The following TRAK1 variants were observed in gnomAD, a reference collection of about 807,000 sequenced individuals.
TRAK1 encodes the protein trafficking kinesin protein 1.
A neutral mutation model predicts 92.1 loss-of-function variants in TRAK1; 33 were observed. The observed-to-expected ratio is 0.36, with a 90% CI of 0.27 to 0.48. The LOEUF is 0.48. Ranked by LOEUF, TRAK1 falls within the 20% of genes least tolerant of loss-of-function variation. The pLI is 0.99. For synonymous variants in TRAK1, 521 were observed against 517.3 expected, an observed-to-expected ratio of 1.01 and a Z score of -0.10; for missense variants, 1,123 against 1,257.9, an observed-to-expected ratio of 0.89 and a Z score of 1.62.
At position 42,194,929 on chromosome 3, in the gene TRAK1, C is replaced by A. The variant is rs756293488; in HGVS notation, c.1101C>A (p.Gly367=). 6 of 1,613,606 alleles carry A rather than the reference C, an allele frequency of 3.7e-6. No individual in the cohort carries two copies. The change falls in exon 10 of 16, where the codon GGC becomes GGA. Residue 367 remains glycine (G), a synonymous_variant. Coordinates refer to ENST00000327628, the MANE Select transcript of TRAK1 (RefSeq NM_001042646.3). ...NTTSRRYHSL[G]LFPMDSLAAE... is the part of the protein sequence containing the mutation. ...CGTCTCGGCGCTACCACTCACTGGG[C>A]CTGTTTCCCATGGTGAGCTGTGCTT...
chr3:42,113,390 ACC>A (rs1708740752), intron 1 of TRAK1, among the ~76,000 whole-genome samples: 4 of 25,882 alleles, frequency 1.5e-4, no homozygotes, highest in Non-Finnish European at 3.0e-4. Flanking sequence ...CCCTACCCCT[ACC>A]CCTACCTCTA....
At position 42,225,309 on chromosome 3, in the gene TRAK1, C is replaced by A; in HGVS notation, c.*1572C>A. On this transcript the variant is annotated 3_prime_UTR_variant, in exon 16 of 16. Transcript: ENST00000327628. ...CCTCCCCGGCAGCAGAAGATGTGTCCTTCCATTGAGTGAGGGTAACCTTAT... is the reference window on the plus strand; with the variant it reads ...CCTCCCCGGCAGCAGAAGATGTGTCATTCCATTGAGTGAGGGTAACCTTAT... 6.6e-6 allele frequency: 1 copy of A among 152,278 alleles called. No individual in the cohort carries two copies. Among genetic ancestry groups the A allele is most frequent in the Non-Finnish European group, 1.5e-5 (1 of 68,030 alleles). 9.4% of individuals were successfully genotyped at this position (152,278 alleles called of 1,614,324 possible).
At chr3:42,185,336 G>T (rs1457376737) in intron 4 of TRAK1, among the ~76,000 whole-genome samples, 10 of 152,198 alleles carry the variant, frequency 6.6e-5, no homozygotes, top group Admixed American at 6.5e-4. Flanking sequence ...AACAAAACAA[G>T]ACAAAAATAG....
At chr3:42,018,794 C>T (rs969659656) in intron 1 of TRAK1, among the ~76,000 whole-genome samples, 5 of 152,076 alleles carry the variant, frequency 3.3e-5, no homozygotes, top group Admixed American at 2.6e-4. Context: ...TCCTATCTTC[C>T]GTTACATAGA....
intron 2 of TRAK1, chr3:42,149,372 C>T (rs1319987098): frequency 5.6e-6 from 8 of 1,437,916 alleles, no homozygotes; most frequent in Non-Finnish European, 9.1e-7. Context: ...GCCCACTTTA[C>T]TGTTTTGGCT....
chr3:42,097,596 A>G (rs1040813225), intron 1 of TRAK1, among the ~76,000 whole-genome samples: 1 of 152,222 alleles, frequency 6.6e-6, no homozygotes, highest in Non-Finnish European at 1.5e-5. Flanking sequence ...AATGCTTAAC[A>G]GTTTCTACTT....
chr3:42,164,130 C>T (rs1364665043), intron 2 of TRAK1, among the ~76,000 whole-genome samples: 1 of 152,164 alleles, frequency 6.6e-6, no homozygotes, highest in African/African-American at 2.4e-5. Context: ...ATGATCACAC[C>T]ACCTTTGTCC....
At chr3:42,125,321 A>G (rs1710415601) in intron 1 of TRAK1, 99 bp from the exon 2 acceptor site, 1 of 1,076,882 alleles carries the variant, frequency 9.3e-7, no homozygotes, top group African/African-American at 1.6e-5. Flanking sequence ...GCTGTAGATA[A>G]ATAACCGAAG....
At chr3:42,219,008 G>A in intron 14 of TRAK1, 1 of 985,380 alleles carries the variant, frequency 1.0e-6, no homozygotes, top group Non-Finnish European at 1.2e-6. Context: ...AAGCAGAAAG[G>A]GAGCTGTGAG....
At chr3:42,058,581 C>T (rs1433952912) in intron 1 of TRAK1, among the ~76,000 whole-genome samples, 3 of 152,042 alleles carry the variant, frequency 2.0e-5, no homozygotes, top group Non-Finnish European at 2.9e-5. Flanking sequence ...TGACCTTGGA[C>T]GATCTGCCTG....
At chr3:42,018,711 A>G (rs942541318) in intron 1 of TRAK1, among the ~76,000 whole-genome samples, 3 of 152,242 alleles carry the variant, frequency 2.0e-5, no homozygotes, top group African/African-American at 7.2e-5. Flanking sequence ...TAGTTACTAG[A>G]TAACATGATT....
At chr3:42,119,306 G>A (rs945109022) in intron 1 of TRAK1, among the ~76,000 whole-genome samples, 1 of 152,208 alleles carries the variant, frequency 6.6e-6, no homozygotes, top group African/African-American at 2.4e-5. Flanking sequence ...GATGGAGTTT[G>A]CTAGGCAGTG....
At chr3:42,157,026 G>A (rs895638859) in intron 2 of TRAK1, among the ~76,000 whole-genome samples, 27 of 151,992 alleles carry the variant, frequency 1.8e-4, no homozygotes, top group Non-Finnish European at 2.8e-4. Flanking sequence ...GGTGGCGGGC[G>A]CCTGTAATCC....
intron 1 of TRAK1, among the ~76,000 whole-genome samples, chr3:42,101,934 T>C (rs1167794201): frequency 6.6e-6 from 1 of 152,192 alleles, no homozygotes; most frequent in African/African-American, 2.4e-5. Context: ...TTCAGGTCAT[T>C]GAAAATCCCG....
At chr3:42,186,899 T>C (rs544296618) in intron 4 of TRAK1, among the ~76,000 whole-genome samples, 1 of 152,352 alleles carries the variant, frequency 6.6e-6, no homozygotes, top group South Asian at 2.1e-4. Flanking sequence ...CACTCTGTTT[T>C]GTAGAAAAGT....
intron 2 of TRAK1, among the ~76,000 whole-genome samples, chr3:42,130,605 C>T (rs1287719990): frequency 6.6e-6 from 1 of 151,908 alleles, no homozygotes; most frequent in East Asian, 1.9e-4. Flanking sequence ...TATTTTTTTC[C>T]GTGACCTAAC....
intron 1 of TRAK1, among the ~76,000 whole-genome samples, chr3:42,068,796 A>T (rs953332244): frequency 6.6e-6 from 1 of 152,212 alleles, no homozygotes; most frequent in Admixed American, 6.5e-5. Context: ...CTGTATGCTT[A>T]GAGTGCATTT....
chr3:42,151,246 T>C, intron 2 of TRAK1: 2 of 429,046 alleles, frequency 4.7e-6, no homozygotes, highest in South Asian at 3.4e-5. Flanking sequence ...CACCCTGAAA[T>C]AAAGCCAGTC....
intron 1 of TRAK1, among the ~76,000 whole-genome samples, chr3:42,109,399 C>T (rs531692492): frequency 2.0e-5 from 3 of 152,142 alleles, no homozygotes; most frequent in Non-Finnish European, 4.4e-5. Flanking sequence ...ATTAGCCCTG[C>T]TCAGCAAACA....
Sources: allele counts gnomAD v4.1 joint callset (sites outside exome capture counted in the v4.1 genomes callset), GRCh38; gene constraint gnomAD v4.1.1; transcripts MANE v1.5; gene names NCBI Gene and HGNC (gene_info 2026-07-23, HGNC 2026-07-21).